Variants in NUP62 observed in about 807,000 individuals in gnomAD.
NUP62 encodes the protein nuclear pore glycoprotein p62.
For synonymous variants in NUP62, 305 were observed against 303.4 expected (o/e 1.01, Z -0.05); for missense variants, 647 against 689.4 (o/e 0.94, Z 0.69).
rs560360401 is a variant in NUP62, at chr19:49,919,190, AT to A, written c.-78+8503del. On this transcript the variant is annotated intron_variant, in intron 2 of 2. Coordinates refer to ENST00000352066, the MANE Select transcript of NUP62 (RefSeq NM_016553.5). ...CTAACTCATTTTGTGAATAGGTAGT[AT>A]GTTCACATTGTTGTAGCTCAAAAGG... 1.1e-4 allele frequency among the ~76,000 whole-genome samples: 16 copies of A among 152,326 alleles called. No individual in the cohort carries two copies. The South Asian group carries it at 3.3e-3, about 32-fold the overall frequency.
chr19:49,925,756 G>C (rs2075871745), intron 2 of NUP62, among the ~76,000 whole-genome samples: 1 of 152,162 alleles, frequency 6.6e-6, no homozygotes, highest in Non-Finnish European at 1.5e-5. Flanking sequence ...TTGGTCAATG[G>C]TAACATACTG....
At chr19:49,923,982 T>C (rs1253911378) in intron 2 of NUP62, among the ~76,000 whole-genome samples, 1 of 152,216 alleles carries the variant, frequency 6.6e-6, no homozygotes, top group Non-Finnish European at 1.5e-5. Context: ...TTTTCCATCA[T>C]GCCAGGAGGC....
At position 49,908,108 on chromosome 19, in the gene NUP62, T is replaced by C. The variant is rs972098514; in HGVS notation, c.*131A>G. The C allele has an allele frequency of 6.6e-7, 1 of 1,504,498 alleles. No homozygotes were observed. The highest frequency in any genetic ancestry group is 2.5e-5 in the East Asian group (1 of 40,544). The allele number at this position is 1,504,498 out of a possible 1,614,324, so 93.2% of individuals were successfully genotyped here. A position where few individuals can be genotyped will look rare whatever the true frequency, so the allele number is the denominator to read the frequency against. On this transcript the variant is annotated 3_prime_UTR_variant, in exon 3 of 3. Coordinates refer to ENST00000352066, the MANE Select transcript of NUP62 (RefSeq NM_016553.5). Reference sequence around the variant, plus strand: ...AAAAACGCAAAGCACACAGCGATCATGTCAAGGGCAGTCATGTGAAAGAAA... The same window carrying C: ...AAAAACGCAAAGCACACAGCGATCACGTCAAGGGCAGTCATGTGAAAGAAA...
At chr19:49,915,015 C>G (rs1488368038) in intron 2 of NUP62, among the ~76,000 whole-genome samples, 2 of 152,038 alleles carry the variant, frequency 1.3e-5, no homozygotes, top group African/African-American at 4.8e-5. Context: ...GCTGTGATTA[C>G]AGGAGTGAGC....
At chr19:49,928,689 C>T (rs4802640) in intron 1 of NUP62, 18,977 of 152,118 alleles carry the variant, frequency 0.12, 1,484 homozygotes, top group East Asian at 0.38. Context: ...CGAGGCCATC[C>T]TGGCAGGTCT....
Position 49,921,479 on chromosome 19 carries a change from A to C in NUP62, c.-78+6215T>G, listed in dbSNP as rs1152235. Among the ~76,000 whole-genome samples, 391 of 152,264 alleles carry C rather than the reference A, an allele frequency of 2.6e-3. No homozygotes were observed. The highest frequency in any genetic ancestry group is 8.7e-3 in the African/African-American group (361 of 41,540). ...TCACTCTCAAATCCAATTCAGGATG[A>C]TCCGCCCGCCCCAGCTGCAGACGAT... On this transcript the variant is annotated intron_variant, in intron 2 of 2. Coordinates refer to ENST00000352066, the MANE Select transcript of NUP62 (RefSeq NM_016553.5). This position sits in a 1 kb window ranked among gnomAD's most constrained non-coding sequence, Gnocchi z 5.4.
intron 2 of NUP62, among the ~76,000 whole-genome samples, chr19:49,917,996 A>G (rs10425271): frequency 1.0e-3 from 159 of 151,982 alleles, no homozygotes; most frequent in Middle Eastern, 3.4e-3. Flanking sequence ...ACAGAGCGAG[A>G]CTCTGTCTAA....
At chr19:49,911,715 T>C (rs2075468008) in intron 2 of NUP62, among the ~76,000 whole-genome samples, 1 of 152,350 alleles carries the variant, frequency 6.6e-6, no homozygotes, top group East Asian at 1.9e-4. Flanking sequence ...CGTCCATCAC[T>C]ACTGACTGGG....
chr19:49,919,188 G>A (rs1439302206), intron 2 of NUP62, among the ~76,000 whole-genome samples: 1 of 152,166 alleles, frequency 6.6e-6, no homozygotes, highest in African/African-American at 2.4e-5. Flanking sequence ...TGAATAGGTA[G>A]TATGTTCACA....
chr19:49,912,164 AC>A (rs1353184180), intron 2 of NUP62, among the ~76,000 whole-genome samples: 4 of 117,856 alleles, frequency 3.4e-5, no homozygotes, highest in South Asian at 2.6e-4. Flanking sequence ...TTAACAGTTC[AC>A]CTTTTTTTTT....
Position 49,907,879 on chromosome 19 carries a change from A to C in NUP62, c.*360T>G. 2.6e-6 allele frequency: 1 copy of C among 384,698 alleles called. No individual in the cohort carries two copies. The highest frequency in any genetic ancestry group is 4.8e-6 in the Non-Finnish European group (1 of 206,898). 23.8% of individuals were successfully genotyped at this position (384,698 alleles called of 1,614,324 possible). A position where few individuals can be genotyped will look rare whatever the true frequency, so the allele number is the denominator to read the frequency against. On this transcript the variant is annotated 3_prime_UTR_variant, in exon 3 of 3. Transcript: ENST00000352066. ...TTGGTATTTTTTCATGACACCTATG[A>C]CTATGCTTTGGAGAGAGTGGCTGCC...
In NUP62 at chr19:49,907,654, TC is replaced by T; in HGVS notation, c.*584del. On this transcript the variant is annotated 3_prime_UTR_variant, in exon 3 of 3. Coordinates refer to ENST00000352066, the MANE Select transcript of NUP62 (RefSeq NM_016553.5). ...TTCAAGTGATTCTCCTGCCTCAGCCTCCCGAGTAGCTGAGATTGAGATCACA... is the reference window on the plus strand; with the variant it reads ...TTCAAGTGATTCTCCTGCCTCAGCCTCCGAGTAGCTGAGATTGAGATCACA... 1 of 372,550 alleles carries T rather than the reference TC, an allele frequency of 2.7e-6. No individual in the cohort carries two copies. The highest frequency in any genetic ancestry group is 5.1e-6 in the Non-Finnish European group (1 of 196,712). The allele number at this position is 372,550 out of a possible 1,614,324, so 23.1% of individuals were successfully genotyped here.
At position 49,916,796 on chromosome 19, in the gene NUP62, G is replaced by C. The variant is rs1027370135; in HGVS notation, c.-77-6912C>G. ...AAAAAACAAAAATTAGCCTGGCATGGTGGCGTGTGCCTGTGATCCCAGATA... is the reference window on the plus strand; with the variant it reads ...AAAAAACAAAAATTAGCCTGGCATGCTGGCGTGTGCCTGTGATCCCAGATA... On this transcript the variant is annotated intron_variant, in intron 2 of 2. Transcript: ENST00000352066. Among the ~76,000 whole-genome samples, 21 of 152,256 alleles carry C rather than the reference G, an allele frequency of 1.4e-4. 1 individual carries two copies. Among genetic ancestry groups the C allele is most frequent in the Admixed American group, 1.3e-3 (20 of 15,308 alleles).
In NUP62 at chr19:49,909,153, G is replaced by T; in HGVS notation, c.655C>A (p.Pro219Thr). 1 of 1,613,228 alleles carries T rather than the reference G, an allele frequency of 6.2e-7. No homozygotes were observed. Among genetic ancestry groups the T allele is most frequent in the South Asian group, 1.1e-5 (1 of 91,074 alleles). Residue 219 changes from proline (P) to threonine (T), a missense_variant, in exon 3 of 3, where the codon CCC becomes ACC. Transcript: ENST00000352066. Reference protein sequence around the residue: ...TPTATITSTGPSLFASIATAP... With the variant: ...TPTATITSTGTSLFASIATAP... ...GTTGCTATTGACGCAAAGAGGCTGG[G>T]CCCAGTGCTGGTGATGGTGGCTGTG...
intron 2 of NUP62, among the ~76,000 whole-genome samples, chr19:49,916,696 G>A (rs151121647): frequency 0.019 from 2,883 of 151,030 alleles, 42 homozygotes; most frequent in Non-Finnish European, 0.026. Flanking sequence ...CCCGGGAGGC[G>A]GAGCTTGCAG....
At chr19:49,923,491 T>A (rs1356072805) in intron 2 of NUP62, among the ~76,000 whole-genome samples, 1 of 152,168 alleles carries the variant, frequency 6.6e-6, no homozygotes, top group Non-Finnish European at 1.5e-5. Context: ...TAGGCAGACA[T>A]CTGCACACGG....
At chr19:49,927,220 G>A (rs904649674) in intron 2 of NUP62, among the ~76,000 whole-genome samples, 1 of 152,002 alleles carries the variant, frequency 6.6e-6, no homozygotes, top group Non-Finnish European at 1.5e-5. Flanking sequence ...CACAGGGAAG[G>A]GAAATGGCCA....
chr19:49,908,296 C>G lies in NUP62; in HGVS notation c.1512G>C (p.Lys504Asn). ...LLQRKVEEVT[K>N]VCEGRRKEQE... ...GCTCCTTGCGCCGGCCCTCGCACAC[C>G]TTGGTCACCTCCTCCACCTTCCTCT... Residue 504 changes from lysine (K) to asparagine (N), a missense_variant, in exon 3 of 3, where the codon AAG becomes AAC. Physicochemically the swap from Lys to Asn is moderately conservative, Grantham distance 94. Transcript: ENST00000352066. 6.2e-7 allele frequency: 1 copy of G among 1,614,082 alleles called. No individual in the cohort carries two copies. Among genetic ancestry groups the G allele is most frequent in the Non-Finnish European group, 8.5e-7 (1 of 1,180,032 alleles).
Position 49,908,519 on chromosome 19 carries a change from C to A in NUP62, c.1289G>T (p.Arg430Leu). 1 of 1,614,154 alleles carries A rather than the reference C, an allele frequency of 6.2e-7. No individual in the cohort carries two copies. Among genetic ancestry groups the A allele is most frequent in the East Asian group, 2.2e-5 (1 of 44,894 alleles). ...CTCAGCCAGCTTGTAGGTTTTCTCA[C>A]GCTCCTCATCCGCGTGCTGCAGGTA... ...TIYLQHADEE[R>L]EKTYKLAENI... The change falls in exon 3 of 3, where the codon CGT (arginine) becomes CTT (leucine). Residue 430 changes from arginine to leucine, a missense_variant. Coordinates refer to ENST00000352066, the MANE Select transcript of NUP62 (RefSeq NM_016553.5).
Sources: gnomAD v4.1 joint callset for allele counts (sites outside exome capture counted in the v4.1 genomes callset) on GRCh38, gnomAD v4.1.1 for gene constraint, Gnocchi (gnomAD v3.1) non-coding constraint, MANE v1.5 for transcripts, NCBI Gene and HGNC (gene_info 2026-07-23, HGNC 2026-07-21) for gene names.